Variants in FGF14 observed in about 807,000 individuals in gnomAD.
FGF14 encodes the protein fibroblast growth factor 14, also known as fibroblast growth factor homologous factor 4.
Under a neutral mutation model 25.5 loss-of-function variants are expected in FGF14, and 5 were observed. The ratio of observed to expected loss-of-function variants is 0.20; its 90% CI spans 0.10 to 0.41. The LOEUF (loss-of-function observed/expected upper bound fraction) is 0.41. Among genes scored for constraint, FGF14 ranks in the 10% least tolerant of loss-of-function variants. The pLI is 1.00. For synonymous variants in FGF14, 138 were observed against 118.3 expected (o/e 1.17, Z -1.08); for missense variants, 222 against 320.1 (o/e 0.69, Z 2.34).
intron 3 of FGF14, among the ~76,000 whole-genome samples, chr13:101,816,288 T>G (rs2041847536): frequency 8.9e-6 from 1 of 112,922 alleles, no homozygotes; most frequent in Non-Finnish European, 1.8e-5. Context: ...AAAAAAAATT[T>G]GGCTTACCCG....
At chr13:102,052,020 A>G (rs1298183535) in intron 1 of FGF14, among the ~76,000 whole-genome samples, 1 of 152,232 alleles carries the variant, frequency 6.6e-6, no homozygotes, top group Non-Finnish European at 1.5e-5. Flanking sequence ...AATCAGGAAA[A>G]CAATGAATTA....
At position 101,986,176 on chromosome 13, in the gene FGF14, A is replaced by G. The variant is rs144972492; in HGVS notation, c.209-110880T>C. On this transcript the variant is annotated intron_variant, in intron 1 of 4. Coordinates refer to the FGF14 transcript ENST00000376131. ...TAAACCACTATTACCTGGGAAAAGT[A>G]CAATCATTATTGGGCATTGTTTATT... 9.8e-4 allele frequency among the ~76,000 whole-genome samples: 149 copies of G among 152,306 alleles called. 1 individual carries two copies. The highest frequency in any genetic ancestry group is 4.2e-3 in the Admixed American group (64 of 15,274).
chr13:101,927,599 G>A (rs1334824284), intron 1 of FGF14, among the ~76,000 whole-genome samples: 1 of 152,206 alleles, frequency 6.6e-6, no homozygotes, highest in Non-Finnish European at 1.5e-5. Flanking sequence ...AAGAGTCAAA[G>A]CTGATACTCA....
intron 1 of FGF14, among the ~76,000 whole-genome samples, chr13:102,284,630 C>T (rs183486161): frequency 2.0e-4 from 31 of 151,996 alleles, no homozygotes; most frequent in African/African-American, 7.0e-4. Context: ...AGATTAAATA[C>T]AATTCTATGC....
At chr13:101,857,667 C>G (rs1566325228) in intron 3 of FGF14, among the ~76,000 whole-genome samples, 1 of 152,024 alleles carries the variant, frequency 6.6e-6, no homozygotes, top group African/African-American at 2.4e-5. Context: ...GAACTCACAT[C>G]TGTAGAAACT....
At chr13:102,227,784 G>A (rs1413162514) in intron 1 of FGF14, among the ~76,000 whole-genome samples, 2 of 152,128 alleles carry the variant, frequency 1.3e-5, no homozygotes, top group African/African-American at 4.8e-5. Flanking sequence ...AAGGGGATGA[G>A]GAAATGTAGG....
Position 101,714,443 on chromosome 13 carries a change from T to C in FGF14, c.*8388A>G. ...AATAGCCTTTGTAATTTCAGGTTCT[T>C]GTCATTGTGGGAAGTGCATTTGTTC... On this transcript the variant is annotated 3_prime_UTR_variant, in exon 5 of 5. Coordinates refer to ENST00000376143, the MANE Select transcript of FGF14 (RefSeq NM_004115.4). 1 of 1,591,988 alleles carries C rather than the reference T, an allele frequency of 6.3e-7. No homozygotes were observed.
At chr13:101,820,380 A>C (rs951800629) in intron 3 of FGF14, among the ~76,000 whole-genome samples, 1 of 152,228 alleles carries the variant, frequency 6.6e-6, no homozygotes, top group Non-Finnish European at 1.5e-5. Context: ...GATTAAAATA[A>C]AATAAACGTT....
chr13:101,949,682 C>G (rs2036032905), intron 1 of FGF14, among the ~76,000 whole-genome samples: 1 of 152,160 alleles, frequency 6.6e-6, no homozygotes, highest in Non-Finnish European at 1.5e-5. Flanking sequence ...TGAAAAAGAG[C>G]TAAAGAAGAG....
chr13:102,213,080 G>A (rs1016105132), intron 1 of FGF14, among the ~76,000 whole-genome samples: 34 of 152,240 alleles, frequency 2.2e-4, no homozygotes, highest in African/African-American at 7.9e-4. Context: ...AGATTTCTTC[G>A]AAAACAGCTC....
intron 1 of FGF14, among the ~76,000 whole-genome samples, chr13:101,875,554 T>G (rs984946113): frequency 1.3e-5 from 2 of 152,134 alleles, no homozygotes; most frequent in Non-Finnish European, 2.9e-5. Flanking sequence ...TAATTAAAAC[T>G]ATTAAACTAA....
intron 1 of FGF14, among the ~76,000 whole-genome samples, chr13:102,041,439 A>G (rs891812567): frequency 5.4e-4 from 82 of 152,098 alleles, no homozygotes; most frequent in African/African-American, 1.9e-3. Flanking sequence ...GCTATTTGTG[A>G]TAAGATTTTT....
At chr13:101,983,356 C>T (rs1234675786) in intron 1 of FGF14, among the ~76,000 whole-genome samples, 2 of 151,996 alleles carry the variant, frequency 1.3e-5, no homozygotes, top group Admixed American at 6.6e-5. Context: ...ATATTCTATT[C>T]GTTTACTATT....
At chr13:102,109,773 C>T (rs886326115) in intron 1 of FGF14, among the ~76,000 whole-genome samples, 3 of 152,114 alleles carry the variant, frequency 2.0e-5, no homozygotes, top group Non-Finnish European at 4.4e-5. Flanking sequence ...GCACCTGCCA[C>T]AACGCCCAGG....
intron 2 of FGF14, among the ~76,000 whole-genome samples, chr13:101,873,126 C>A (rs2045205652): frequency 6.6e-6 from 1 of 152,006 alleles, no homozygotes. Flanking sequence ...GATAACCAGA[C>A]CTGTATGTGT....
chr13:102,311,671 G>A (rs546892530), intron 1 of FGF14, among the ~76,000 whole-genome samples: 63 of 152,284 alleles, frequency 4.1e-4, no homozygotes, highest in Admixed American at 3.3e-4. Flanking sequence ...TAAAAAGACA[G>A]CGTGTAACAC....
intron 1 of FGF14, among the ~76,000 whole-genome samples, chr13:102,084,828 G>C (rs891738673): frequency 1.3e-5 from 2 of 152,184 alleles, no homozygotes; most frequent in African/African-American, 4.8e-5. Flanking sequence ...GGTAGATGGA[G>C]TGCTTTGTTA....
intron 1 of FGF14, among the ~76,000 whole-genome samples, chr13:102,178,593 ACG>A (rs1486354924): frequency 6.6e-6 from 1 of 151,834 alleles, no homozygotes; most frequent in Non-Finnish European, 1.5e-5. Context: ...TTCTATGTCC[ACG>A]TGTACACGTT....
rs150966563 is a variant in FGF14 at position 101,908,576 on chromosome 13, C to T, written c.193+7877G>A. Among the ~76,000 whole-genome samples, 689 of 152,112 alleles carry T rather than the reference C, an allele frequency of 4.5e-3. 7 individuals are homozygous for T. Among genetic ancestry groups the T allele is most frequent in the African/African-American group, 0.016 (645 of 41,478 alleles). On this transcript the variant is annotated intron_variant, in intron 1 of 4. Coordinates refer to ENST00000376143, the MANE Select transcript of FGF14 (RefSeq NM_004115.4). ...TCAAAGAGAACTACAAACCACTGCT[C>T]AATGAAATAAAAGAGGATACAAACA...
Sources: allele counts gnomAD v4.1 joint callset (sites outside exome capture counted in the v4.1 genomes callset), GRCh38; gene constraint gnomAD v4.1.1; transcripts MANE v1.5; gene names NCBI Gene and HGNC (gene_info 2026-07-23, HGNC 2026-07-21).